PBX1: variants seen among roughly 807,000 people sequenced by gnomAD.
PBX1 encodes PBX homeobox 1.
PBX1 carries 6 observed loss-of-function variants against 53.4 expected under a neutral mutation model. The observed-to-expected ratio is 0.11, with a 90% CI of 0.06 to 0.22. PBX1 has a LOEUF of 0.22. Among genes scored for constraint, PBX1 ranks in the 10% least tolerant of loss-of-function variants. The probability of loss-of-function intolerance (pLI) is 1.00; values close to 1 mark genes in which losing one functional copy is unlikely to be tolerated. For missense variants in PBX1, 251 were observed against 551.4 expected, an observed-to-expected ratio of 0.46 and a Z score of 5.46; for synonymous variants, 204 against 212.3, an observed-to-expected ratio of 0.96 and a Z score of 0.34.
At chr1:164,577,085 G>T (rs1270017127) in intron 2 of PBX1, 1 of 152,162 alleles carries the variant, frequency 6.6e-6, no homozygotes, top group Admixed American at 6.5e-5. Context: ...AGCTGTATTC[G>T]ATAAATATTC....
At chr1:164,615,124 G>A (rs1388124529) in intron 2 of PBX1, among the ~76,000 whole-genome samples, 5 of 152,184 alleles carry the variant, frequency 3.3e-5, no homozygotes, top group Admixed American at 3.3e-4. Flanking sequence ...TTCTTAGGTA[G>A]TCAGGATTCT....
At chr1:164,780,315 T>C (rs1335995334) in intron 2 of PBX1, among the ~76,000 whole-genome samples, 2 of 152,188 alleles carry the variant, frequency 1.3e-5, no homozygotes, top group African/African-American at 4.8e-5. Flanking sequence ...CCTGCCAGGA[T>C]GTTTGCCGCA....
chr1:164,630,269 A>C (rs1184735375), intron 2 of PBX1, among the ~76,000 whole-genome samples: 1 of 152,144 alleles, frequency 6.6e-6, no homozygotes, highest in Non-Finnish European at 1.5e-5. Flanking sequence ...AACCCTGAAT[A>C]TATTTTTCGT....
At chr1:164,746,977 T>C (rs1665926968) in intron 2 of PBX1, among the ~76,000 whole-genome samples, 1 of 152,166 alleles carries the variant, frequency 6.6e-6, no homozygotes, top group African/African-American at 2.4e-5. Context: ...TTCAGGAAAT[T>C]CTTTTGAAAA....
At chr1:164,739,670 C>G (rs1553238487) in intron 2 of PBX1, among the ~76,000 whole-genome samples, 1 of 151,670 alleles carries the variant, frequency 6.6e-6, no homozygotes, top group Non-Finnish European at 1.5e-5. Flanking sequence ...TTTTTTCTTC[C>G]TTTTCATTTA....
intron 2 of PBX1, 87 bp from the exon 3 acceptor site, chr1:164,792,407 A>T: frequency 6.5e-7 from 1 of 1,543,016 alleles, no homozygotes; most frequent in Admixed American, 2.0e-5. Context: ...TTGGCAGCTT[A>T]TGTAGCCAAA....
intron 2 of PBX1, among the ~76,000 whole-genome samples, chr1:164,722,096 G>A (rs1465339038): frequency 1.3e-5 from 2 of 152,176 alleles, no homozygotes; most frequent in Admixed American, 1.3e-4. Context: ...ATGGTGCCCT[G>A]TCTGTCTATG....
chr1:164,569,213 C>CT (rs1553208406), intron 2 of PBX1, among the ~76,000 whole-genome samples: 5 of 152,276 alleles, frequency 3.3e-5, no homozygotes, highest in Middle Eastern at 3.4e-3. Flanking sequence ...GCCAGACTCT[C>CT]TGAGTTTGTA....
chr1:164,871,920 T>C (rs1050526693), intron 2 of PBX1, among the ~76,000 whole-genome samples: 1 of 152,132 alleles, frequency 6.6e-6, no homozygotes, highest in Non-Finnish European at 1.5e-5. Flanking sequence ...ACTCAAAGTT[T>C]CCCTTTATAA....
At chr1:164,661,803 C>T (rs1007588778) in intron 2 of PBX1, among the ~76,000 whole-genome samples, 3 of 152,076 alleles carry the variant, frequency 2.0e-5, no homozygotes, top group Non-Finnish European at 4.4e-5. Context: ...GTTATCACCT[C>T]ATTGGAAGTT....
In PBX1 at chr1:164,670,768, T is replaced by G. The variant is rs144254787; in HGVS notation, c.265+107457T>G. Among the ~76,000 whole-genome samples the G allele has an allele frequency of 6.2e-3, 939 of 152,320 alleles. 13 individuals carry two copies. Among genetic ancestry groups the G allele is most frequent in the African/African-American group, 0.021 (893 of 41,568 alleles). On this transcript the variant is annotated intron_variant, in intron 2 of 8. Coordinates refer to ENST00000420696, the MANE Select transcript of PBX1 (RefSeq NM_002585.4). ...GAAAAAGAAAGTGATAGGGCAAGGC[T>G]TCTTGTAAACCAAGGCCTGGATGCC...
intron 2 of PBX1, among the ~76,000 whole-genome samples, chr1:164,778,532 G>A (rs527689062): frequency 6.6e-6 from 1 of 152,144 alleles, no homozygotes; most frequent in South Asian, 2.1e-4. Context: ...AGCTACTTGG[G>A]AGGCTGATGT....
In PBX1 at chr1:164,562,208, C is replaced by G. The variant is rs118056483; in HGVS notation, c.192-1030C>G. ...AGTACATAGGGCATGTTTCTGATCT[C>G]TGTTCTTCATGAGGATGTGTCTATT... On this transcript the variant is annotated intron_variant, in intron 1 of 8. Transcript: ENST00000420696. Among the ~76,000 whole-genome samples the G allele has an allele frequency of 7.9e-4, 120 of 152,172 alleles. 1 individual carries two copies. In the East Asian group the frequency reaches 0.02, roughly 26 times the overall value.
chr1:164,590,377 A>G, intron 2 of PBX1: 1 of 455,960 alleles, frequency 2.2e-6, no homozygotes, highest in South Asian at 1.5e-5. Flanking sequence ...TGTGCTCTGG[A>G]CTTGCTCACT....
intron 2 of PBX1, among the ~76,000 whole-genome samples, chr1:164,731,491 C>T (rs754470766): frequency 9.9e-5 from 15 of 152,156 alleles, no homozygotes; most frequent in Non-Finnish European, 1.8e-4. Context: ...GGCAGCAGGG[C>T]TGCCTAACTG....
In PBX1 at chr1:164,790,062, G is replaced by A. The variant is rs999112559; in HGVS notation, c.266-2432G>A. ...TAAAGAGAAACAACCACATAGAGGT[G>A]AAGGAGAGGCTGCTGGGCGCTGCTG... On this transcript the variant is annotated intron_variant, in intron 2 of 8. Transcript: ENST00000420696. 2.0e-5 allele frequency among the ~76,000 whole-genome samples: 3 copies of A among 151,990 alleles called. No individual in the cohort carries two copies. In the East Asian group the frequency reaches 5.8e-4, roughly 29 times the overall value.
intron 8 of PBX1, among the ~76,000 whole-genome samples, chr1:164,828,165 A>G (rs1163915880): frequency 1.3e-5 from 2 of 152,214 alleles, no homozygotes; most frequent in African/African-American, 2.4e-5. Flanking sequence ...TTTTGTAGAA[A>G]CTGCTTCTCT....
intron 8 of PBX1, among the ~76,000 whole-genome samples, chr1:164,822,673 A>G (rs755590097): frequency 1.2e-4 from 18 of 152,214 alleles, no homozygotes; most frequent in Non-Finnish European, 1.8e-4. Flanking sequence ...ATGAGGAATG[A>G]TTGAACACAT....
chr1:164,817,733 A>T (rs1422918576), intron 6 of PBX1: 1 of 152,272 alleles, frequency 6.6e-6, no homozygotes, highest in Non-Finnish European at 1.5e-5. Context: ...GACACATTCC[A>T]TGCCTTCATG....
Sources: allele counts gnomAD v4.1 joint callset (sites outside exome capture counted in the v4.1 genomes callset), GRCh38; gene constraint gnomAD v4.1.1; transcripts MANE v1.5; gene names NCBI Gene and HGNC (gene_info 2026-07-23, HGNC 2026-07-21).